The following FAM98B variants were observed in gnomAD, a reference collection of about 807,000 sequenced individuals.
The protein encoded by FAM98B is tRNA-splicing ligase complex subunit FAM98B.
Under a neutral mutation model 43.9 loss-of-function variants are expected in FAM98B, and 32 were observed. The ratio of observed to expected loss-of-function variants is 0.73; its 90% confidence interval spans 0.55 to 0.98. FAM98B has a LOEUF of 0.98. Among genes scored for constraint, FAM98B ranks in the 50% least tolerant of loss-of-function variants. The probability of loss-of-function intolerance (pLI) is 0.00; values close to 1 mark genes in which losing one functional copy is unlikely to be tolerated. For missense variants in FAM98B, 514 were observed against 522.9 expected (o/e 0.98, Z 0.17); for synonymous variants, 190 against 174.0 (o/e 1.09, Z -0.72).
Position 38,484,779 on chromosome 15 carries a change from A to G in FAM98B, c.*120A>G. The G allele has an allele frequency of 7.1e-7, 1 of 1,401,420 alleles. No homozygotes were observed. The highest frequency in any genetic ancestry group is 9.3e-7 in the Non-Finnish European group (1 of 1,075,706). The allele number at this position is 1,401,420 out of a possible 1,614,324, so 86.8% of individuals were successfully genotyped here. On this transcript the variant is annotated 3_prime_UTR_variant, in exon 8 of 8. Coordinates refer to ENST00000397609, the MANE Select transcript of FAM98B (RefSeq NM_173611.4). ...ACACCATGTTAGACTCCCTGGTGAT[A>G]CCACTCTTGAATTGGTTAATATGTA...
intron 1 of FAM98B, among the ~76,000 whole-genome samples, chr15:38,460,656 T>C (rs1247681290): frequency 6.6e-6 from 1 of 152,190 alleles, no homozygotes; most frequent in Non-Finnish European, 1.5e-5. Context: ...TAGCAGAATA[T>C]ACTTAGACAC....
At chr15:38,469,500 T>G (rs1417761009) in intron 3 of FAM98B, among the ~76,000 whole-genome samples, 1 of 152,184 alleles carries the variant, frequency 6.6e-6, no homozygotes, top group Non-Finnish European at 1.5e-5. Context: ...ATTGTTGATT[T>G]GGTGGTGGGT....
intron 1 of FAM98B, among the ~76,000 whole-genome samples, chr15:38,456,751 G>A (rs985506205): frequency 1.3e-5 from 2 of 152,176 alleles, no homozygotes; most frequent in Admixed American, 1.3e-4. Context: ...GATGAAAAAG[G>A]GGGACAAAGA....
chr15:38,470,629 T>G (rs1276516305), intron 4 of FAM98B: 2 of 333,380 alleles, frequency 6.0e-6, no homozygotes, highest in Non-Finnish European at 1.1e-5. Context: ...GGCCTTCAGC[T>G]TTGCCAGAGT....
intron 4 of FAM98B, among the ~76,000 whole-genome samples, chr15:38,470,950 ATT>A (rs578034777): frequency 7.1e-6 from 1 of 141,494 alleles, no homozygotes. Flanking sequence ...GTACTTTGGC[ATT>A]TTTTTTTTTT....
chr15:38,474,152 G>A, intron 5 of FAM98B, 30 bp from the exon 6 acceptor site: 1 of 1,499,000 alleles, frequency 6.7e-7, no homozygotes, highest in Non-Finnish European at 9.3e-7. Context: ...AGAATCTAAA[G>A]TTTATTATTT....
chr15:38,464,213 A>G (rs1419951228), intron 2 of FAM98B, 36 bp downstream of exon 2: 3 of 1,559,308 alleles, frequency 1.9e-6, no homozygotes, highest in Non-Finnish European at 2.6e-6. Flanking sequence ...TTTCTGTTTA[A>G]TAGTAAACTG....
intron 6 of FAM98B, among the ~76,000 whole-genome samples, chr15:38,474,614 G>A (rs1890171720): frequency 6.6e-6 from 1 of 152,200 alleles, no homozygotes; most frequent in African/African-American, 2.4e-5. Context: ...AAGAAAGCAG[G>A]ATATAAGAAT....
chr15:38,480,143 T>A (rs1236159047), intron 6 of FAM98B, among the ~76,000 whole-genome samples: 1 of 152,158 alleles, frequency 6.6e-6, no homozygotes, highest in African/African-American at 2.4e-5. Flanking sequence ...TTTATATCTT[T>A]TAAAGTACAG....
chr15:38,463,990 A>T (rs1317806454), intron 1 of FAM98B, 42 bp from the exon 2 acceptor site: 8 of 1,541,780 alleles, frequency 5.2e-6, no homozygotes, highest in Middle Eastern at 2.2e-4. Context: ...TTTTTGTTTG[A>T]TTGGCTTATT....
chr15:38,481,578 G>T lies in FAM98B; in HGVS notation c.897+119G>T, dbSNP rs150056145. 4.2e-5 allele frequency: 68 copies of T among 1,610,900 alleles called. No homozygotes were observed. The African/African-American group carries it at 7.6e-4, about 18-fold the overall frequency. Reference sequence around the variant, plus strand: ...TAAATGTTTAGAAAAAAGAGTGGCAGGGGGGTTCAGTCTAGGCTTAGTTAT... The same window carrying T: ...TAAATGTTTAGAAAAAAGAGTGGCATGGGGGTTCAGTCTAGGCTTAGTTAT... On this transcript the variant is annotated intron_variant, in intron 7 of 7. Coordinates refer to ENST00000397609, the MANE Select transcript of FAM98B (RefSeq NM_173611.4).
In FAM98B at chr15:38,485,920, A is replaced by G. The variant is rs1890363444; in HGVS notation, c.*1261A>G. Reference sequence around the variant, plus strand: ...TAAATTTTTTCAATCTTAGTGTAAAATCTGTATCTCATTGTAGGCTTCTGG... The same window carrying G: ...TAAATTTTTTCAATCTTAGTGTAAAGTCTGTATCTCATTGTAGGCTTCTGG... On this transcript the variant is annotated 3_prime_UTR_variant, in exon 8 of 8. Coordinates refer to ENST00000397609, the MANE Select transcript of FAM98B (RefSeq NM_173611.4). The G allele has an allele frequency of 6.6e-6, 1 of 152,198 alleles. No individual in the cohort carries two copies. The highest frequency in any genetic ancestry group is 2.1e-4 in the South Asian group (1 of 4,828). The allele number at this position is 152,198 out of a possible 1,614,324, so 9.4% of individuals were successfully genotyped here. A position where few individuals can be genotyped will look rare whatever the true frequency, so the allele number is the denominator to read the frequency against.
chr15:38,485,702 G>A lies in FAM98B; in HGVS notation c.*1043G>A, dbSNP rs1250196375. On this transcript the variant is annotated 3_prime_UTR_variant, in exon 8 of 8. Transcript: ENST00000397609. ...GATTGAAATGACCTTAGTTCTCAAG[G>A]AGTGATTTGTCCTCATTTGTCAAAT... 6.6e-6 allele frequency: 1 copy of A among 152,152 alleles called. No individual in the cohort carries two copies. Among genetic ancestry groups the A allele is most frequent in the Non-Finnish European group, 1.5e-5 (1 of 68,028 alleles). The allele number at this position is 152,152 out of a possible 1,614,324, so 9.4% of individuals were successfully genotyped here.
At position 38,481,417 on chromosome 15, in the gene FAM98B, T is replaced by A; in HGVS notation, c.855T>A (p.Ser285Arg). ...ATCTATCCAAGATCATTAGGACAAG[T>A]AGTGGCACCAGCCGGGAGAAGACCG... is the stretch of plus-strand genomic sequence containing the variant. ...REDLSKIIRT[S>R]SGTSREKTAC... The change falls in exon 7 of 8, where the codon AGT (serine) becomes AGA (arginine). Residue 285 changes from serine to arginine, a missense_variant. By Grantham distance (110) the Ser-to-Arg change is moderately radical. This residue lies in a region of FAM98B where 469 missense variants were observed against 451.8 expected (regional missense o/e 1.04). Coordinates refer to ENST00000397609, the MANE Select transcript of FAM98B (RefSeq NM_173611.4). 1 of 1,614,202 alleles carries A rather than the reference T, an allele frequency of 6.2e-7. No individual in the cohort carries two copies. The highest frequency in any genetic ancestry group is 8.5e-7 in the Non-Finnish European group (1 of 1,180,022).
chr15:38,476,696 A>G (rs1890205323), intron 6 of FAM98B, among the ~76,000 whole-genome samples: 1 of 142,336 alleles, frequency 7.0e-6, no homozygotes, highest in Non-Finnish European at 1.5e-5. Context: ...TAAAGATAGA[A>G]ACTTTGCTTT....
intron 6 of FAM98B, among the ~76,000 whole-genome samples, chr15:38,478,166 T>C (rs150854379): frequency 1.4e-4 from 22 of 152,342 alleles, no homozygotes; most frequent in African/African-American, 5.0e-4. Context: ...TTCAGTGACA[T>C]AGATTCATGG....
In FAM98B at chr15:38,485,118, G is replaced by C. The variant is rs1406689674; in HGVS notation, c.*459G>C. The C allele has an allele frequency of 6.6e-6, 1 of 152,430 alleles. No homozygotes were observed. Among genetic ancestry groups the C allele is most frequent in the Non-Finnish European group, 1.5e-5 (1 of 68,274 alleles). The allele number at this position is 152,430 out of a possible 1,614,324, so 9.4% of individuals were successfully genotyped here. On this transcript the variant is annotated 3_prime_UTR_variant, in exon 8 of 8. Transcript: ENST00000397609. ...GATGTGTTTTGTGGGTTTTTCATTC[G>C]ATTTTACAAAATAGGGAAAGGCACT...
chr15:38,471,129 T>A (rs1193100075), intron 4 of FAM98B, among the ~76,000 whole-genome samples: 1 of 152,066 alleles, frequency 6.6e-6, no homozygotes, highest in African/African-American at 2.4e-5. Flanking sequence ...TCTTGCCTAA[T>A]CTTCAAGAAT....
In FAM98B at chr15:38,454,251, G is replaced by T; in HGVS notation, c.71+19G>T. 6.3e-7 allele frequency: 1 copy of T among 1,592,168 alleles called. No homozygotes were observed. The highest frequency in any genetic ancestry group is 8.5e-7 in the Non-Finnish European group (1 of 1,170,782). The stretch of plus-strand genomic sequence containing the variant: ...CGCTGGGGTGAGTGCTTTTGGAGAC[G>T]CCTTTTCCCTGAAAACGCAACCTCT... On this transcript the variant is annotated intron_variant, in intron 1 of 7. Transcript: ENST00000397609.
Sources: allele counts gnomAD v4.1 joint callset (sites outside exome capture counted in the v4.1 genomes callset), GRCh38; gene constraint gnomAD v4.1.1; regional missense constraint gnomAD v4.1.1; transcripts MANE v1.5; gene names NCBI Gene and HGNC (gene_info 2026-07-23, HGNC 2026-07-21).